Variants in CPM observed in about 807,000 individuals in gnomAD.
The protein encoded by CPM is renal carboxypeptidase.
In CPM, 35 loss-of-function variants were observed where a neutral mutation model predicts 46.4. The observed-to-expected ratio is 0.75, with a 90% CI of 0.58 to 1.00. The LOEUF is 1.00. Ranked by LOEUF, CPM falls within the 50% of genes least tolerant of loss-of-function variation. The pLI is 0.00. For missense variants in CPM, 422 were observed against 530.4 expected, an observed-to-expected ratio of 0.80 and a Z score of 2.01; for synonymous variants, 195 against 195.3, an observed-to-expected ratio of 1.00 and a Z score of 0.01.
intron 2 of CPM, among the ~76,000 whole-genome samples, chr12:68,918,388 C>G (rs760289859): frequency 6.6e-6 from 1 of 152,190 alleles, no homozygotes; most frequent in Non-Finnish European, 1.5e-5. Flanking sequence ...TTGAGCTCCA[C>G]TTATATACCC....
chr12:68,894,354 T>C (rs1419688151), intron 2 of CPM, among the ~76,000 whole-genome samples: 1 of 152,200 alleles, frequency 6.6e-6, no homozygotes, highest in African/African-American at 2.4e-5. Context: ...TCAAAAATTA[T>C]TGGTGTATCT....
intron 2 of CPM, among the ~76,000 whole-genome samples, chr12:68,920,235 T>C (rs1340877122): frequency 1.3e-5 from 2 of 152,318 alleles, no homozygotes; most frequent in African/African-American, 2.4e-5. Context: ...CCTCTTTTCT[T>C]TATAAATTAC....
intron 2 of CPM, among the ~76,000 whole-genome samples, chr12:68,923,783 G>A (rs1888137535): frequency 6.6e-6 from 1 of 152,114 alleles, no homozygotes; most frequent in African/African-American, 2.4e-5. Flanking sequence ...AATGCAGATT[G>A]GTTTGGCTCT....
chr12:68,939,377 A>C (rs1229254932), intron 1 of CPM, among the ~76,000 whole-genome samples: 1 of 148,552 alleles, frequency 6.7e-6, no homozygotes, highest in Non-Finnish European at 1.5e-5. Context: ...ATATGTAAAT[A>C]TACATCCTAT....
intron 7 of CPM, among the ~76,000 whole-genome samples, chr12:68,863,100 T>C (rs1301641055): frequency 6.6e-6 from 1 of 152,126 alleles, no homozygotes; most frequent in Non-Finnish European, 1.5e-5. Flanking sequence ...AGACTGCTTG[T>C]TTGTGCCCAT....
intron 2 of CPM, among the ~76,000 whole-genome samples, chr12:68,898,757 GCT>G (rs1886991510): frequency 6.6e-6 from 1 of 152,174 alleles, no homozygotes; most frequent in Non-Finnish European, 1.5e-5. Context: ...CTAAAACCCA[GCT>G]CTGTCACTTA....
intron 4 of CPM, among the ~76,000 whole-genome samples, chr12:68,870,785 T>C (rs1255999986): frequency 1.3e-5 from 2 of 152,236 alleles, no homozygotes; most frequent in Non-Finnish European, 2.9e-5. Context: ...GCCCCAGACC[T>C]GTGGCACGGA....
intron 3 of CPM, among the ~76,000 whole-genome samples, chr12:68,883,298 G>A (rs1030208345): frequency 6.6e-6 from 1 of 152,194 alleles, no homozygotes; most frequent in African/African-American, 2.4e-5. Flanking sequence ...GGAGGAAAAA[G>A]GGGGTTGTTA....
chr12:68,883,919 A>AC, intron 3 of CPM, among the ~76,000 whole-genome samples: 1 of 136,962 alleles, frequency 7.3e-6, no homozygotes, highest in East Asian at 2.1e-4. Flanking sequence ...AAATGGTGAA[A>AC]CCCCCATCTC....
At chr12:68,862,467 C>G in intron 7 of CPM, among the ~76,000 whole-genome samples, 1 of 139,566 alleles carries the variant, frequency 7.2e-6, no homozygotes, top group Non-Finnish European at 1.6e-5. Flanking sequence ...CTCCTGATCT[C>G]AAGTGATCCG....
At chr12:68,858,170 A>G (rs1308866951) in intron 8 of CPM, among the ~76,000 whole-genome samples, 2 of 152,242 alleles carry the variant, frequency 1.3e-5, no homozygotes, top group African/African-American at 4.8e-5. Context: ...ACCTTCTCCC[A>G]GGATTAGCTC....
chr12:68,930,063 G>T (rs185557281), intron 2 of CPM, among the ~76,000 whole-genome samples: 31 of 152,146 alleles, frequency 2.0e-4, no homozygotes, highest in Non-Finnish European at 3.7e-4. Context: ...TAAATAACAC[G>T]TGTATAATAA....
intron 2 of CPM, among the ~76,000 whole-genome samples, chr12:68,889,995 T>C (rs576371954): frequency 3.9e-5 from 6 of 152,276 alleles, no homozygotes; most frequent in Admixed American, 1.3e-4. Context: ...CTGTCCTCAC[T>C]TGGGGCTGAT....
chr12:68,915,097 C>G (rs552635937), intron 2 of CPM, among the ~76,000 whole-genome samples: 1 of 152,042 alleles, frequency 6.6e-6, no homozygotes, highest in Non-Finnish European at 1.5e-5. Flanking sequence ...GGACAGCGAA[C>G]AGAATGTCCT....
chr12:68,943,832 A>G (rs1888801367), intron 1 of CPM, among the ~76,000 whole-genome samples: 1 of 151,908 alleles, frequency 6.6e-6, no homozygotes, highest in South Asian at 2.1e-4. Context: ...TTTCTTTTCT[A>G]GCTTTGTTTC....
At chr12:68,877,639 A>C (rs1020472338) in intron 3 of CPM, among the ~76,000 whole-genome samples, 11 of 152,256 alleles carry the variant, frequency 7.2e-5, no homozygotes, top group Non-Finnish European at 1.2e-4. Flanking sequence ...GCTCTGCCTA[A>C]ATCTAAAAAG....
chr12:68,890,896 A>G (rs1013574533), intron 2 of CPM, among the ~76,000 whole-genome samples: 1 of 152,264 alleles, frequency 6.6e-6, no homozygotes, highest in African/African-American at 2.4e-5. Flanking sequence ...GATGTGAAGC[A>G]CATTCCAGTT....
intron 1 of CPM, among the ~76,000 whole-genome samples, chr12:68,948,802 T>C (rs1003020448): frequency 6.6e-6 from 1 of 152,154 alleles, no homozygotes; most frequent in Non-Finnish European, 1.5e-5. Flanking sequence ...CATCTTTTGG[T>C]TCAGTTGCCA....
intron 2 of CPM, chr12:68,911,869 ATC>A (rs1230894477): frequency 6.6e-6 from 1 of 152,188 alleles, no homozygotes; most frequent in African/African-American, 2.4e-5. Context: ...AACCCAGGCA[ATC>A]TGTGTTCTTC....
Sources: allele counts gnomAD v4.1 joint callset (sites outside exome capture counted in the v4.1 genomes callset), GRCh38; gene constraint gnomAD v4.1.1; transcripts MANE v1.5; gene names NCBI Gene and HGNC (gene_info 2026-07-23, HGNC 2026-07-21).